SLC4A4: variants seen among roughly 807,000 people sequenced by gnomAD.
SLC4A4 encodes the protein solute carrier family 4 member 4, also known as electrogenic sodium bicarbonate cotransporter 1.
Under a neutral mutation model 111.5 loss-of-function variants are expected in SLC4A4, and 27 were observed. The ratio of observed to expected loss-of-function variants is 0.24; its 90% CI spans 0.18 to 0.33. The LOEUF (loss-of-function observed/expected upper bound fraction) is 0.33, where lower values mean the gene tolerates loss of function less well. SLC4A4 is among the 10% of genes least tolerant of loss of function. The probability of loss-of-function intolerance (pLI) is 1.00; values close to 1 mark genes in which losing one functional copy is unlikely to be tolerated. For synonymous variants in SLC4A4, 443 were observed against 463.4 expected, an observed-to-expected ratio of 0.96 and a Z score of 0.57; for missense variants, 909 against 1,315.5, an observed-to-expected ratio of 0.69 and a Z score of 4.78.
At chr4:71,367,826 C>T (rs532625957) in intron 6 of SLC4A4, among the ~76,000 whole-genome samples, 24 of 152,220 alleles carry the variant, frequency 1.6e-4, no homozygotes, top group African/African-American at 5.5e-4. Flanking sequence ...AAATGTTTCT[C>T]GATTTTATAA....
chr4:71,102,664 C>T (rs1420296573), intron 2 of SLC4A4, among the ~76,000 whole-genome samples: 1 of 149,900 alleles, frequency 6.7e-6, no homozygotes, highest in Admixed American at 6.6e-5. Flanking sequence ...CATATCCAGC[C>T]AAACTAAGCT....
chr4:71,439,939 C>T (rs997958768), intron 7 of SLC4A4, among the ~76,000 whole-genome samples: 1 of 151,924 alleles, frequency 6.6e-6, no homozygotes, highest in Non-Finnish European at 1.5e-5. Flanking sequence ...TGTTTTCTCT[C>T]CTTTGTTCCT....
chr4:71,361,019 G>A (rs868217110), intron 6 of SLC4A4, among the ~76,000 whole-genome samples: 62 of 152,260 alleles, frequency 4.1e-4, no homozygotes, highest in African/African-American at 1.1e-3. Flanking sequence ...GGTACACCCA[G>A]GAGGAGGAGC....
intron 3 of SLC4A4, 78 bp downstream of exon 3, chr4:71,255,477 T>A: frequency 7.1e-7 from 1 of 1,414,540 alleles, no homozygotes; most frequent in Non-Finnish European, 1.0e-6. Context: ...TTGAATCTTG[T>A]GGCTAAAGGG....
intron 1 of SLC4A4, among the ~76,000 whole-genome samples, chr4:71,072,176 A>C (rs1741684366): frequency 6.6e-6 from 1 of 152,196 alleles, no homozygotes; most frequent in African/African-American, 2.4e-5. Context: ...AGTCTATTAA[A>C]AAATTATTTC....
intron 3 of SLC4A4, among the ~76,000 whole-genome samples, chr4:71,292,993 C>T (rs1456156627): frequency 1.3e-5 from 2 of 151,168 alleles, no homozygotes; most frequent in African/African-American, 4.8e-5. Flanking sequence ...AGGCACCTGC[C>T]ACTGCGCCCG....
At chr4:71,237,272 C>G (rs1314412169) in intron 2 of SLC4A4, among the ~76,000 whole-genome samples, 1 of 152,172 alleles carries the variant, frequency 6.6e-6, no homozygotes, top group East Asian at 1.9e-4. Context: ...CGGGCATTCC[C>G]TTTTCCTGTC....
chr4:71,455,427 A>G (rs1436882496), intron 12 of SLC4A4, among the ~76,000 whole-genome samples: 1 of 152,200 alleles, frequency 6.6e-6, no homozygotes, highest in African/African-American at 2.4e-5. Flanking sequence ...TTTGATCTAT[A>G]TCCAAGTTGG....
intron 20 of SLC4A4, among the ~76,000 whole-genome samples, chr4:71,550,708 A>G (rs967677406): frequency 6.6e-6 from 1 of 152,068 alleles, no homozygotes; most frequent in East Asian, 1.9e-4. Context: ...CCATTTCTGC[A>G]AACTCCATAT....
intron 3 of SLC4A4, among the ~76,000 whole-genome samples, chr4:71,260,786 C>T (rs907703640): frequency 9.2e-5 from 14 of 152,230 alleles, no homozygotes; most frequent in African/African-American, 3.1e-4. Context: ...TACTTAACTT[C>T]TTTGTGCTCT....
At position 71,296,452 on chromosome 4, in the gene SLC4A4, T is replaced by C. The variant is rs551304014; in HGVS notation, c.253+41053T>C. Among the ~76,000 whole-genome samples the C allele has an allele frequency of 2.2e-3, 338 of 152,334 alleles. 2 individuals carry two copies. Among genetic ancestry groups the C allele is most frequent in the African/African-American group, 7.8e-3 (324 of 41,584 alleles). ...ACCTCTTAATGGCTGGCAGCATTTCTATATTAAAAGAAACGTGGAAAAATA... is the reference window on the plus strand; with the variant it reads ...ACCTCTTAATGGCTGGCAGCATTTCCATATTAAAAGAAACGTGGAAAAATA... On this transcript the variant is annotated intron_variant, in intron 3 of 25. Transcript: ENST00000264485.
intron 3 of SLC4A4, among the ~76,000 whole-genome samples, chr4:71,320,930 C>T (rs1264826255): frequency 2.0e-5 from 3 of 151,962 alleles, no homozygotes; most frequent in Non-Finnish European, 2.9e-5. Flanking sequence ...TTACTTATCT[C>T]GCCACTGATG....
chr4:71,358,795 A>T (rs1730509148), intron 6 of SLC4A4, among the ~76,000 whole-genome samples: 1 of 152,142 alleles, frequency 6.6e-6, no homozygotes, highest in African/African-American at 2.4e-5. Context: ...ATTATAACTG[A>T]TGTCACAAAT....
intron 1 of SLC4A4, among the ~76,000 whole-genome samples, chr4:71,193,287 G>A (rs1211907759): frequency 6.6e-6 from 1 of 152,164 alleles, no homozygotes; most frequent in African/African-American, 2.4e-5. Flanking sequence ...AGCCTCCCGA[G>A]TAGCTGGGAC....
intron 7 of SLC4A4, among the ~76,000 whole-genome samples, chr4:71,417,369 A>G (rs1264024193): frequency 6.6e-6 from 1 of 152,058 alleles, no homozygotes. Context: ...AGTCTTTCCA[A>G]AGGCCTGGCT....
At chr4:71,435,380 C>T (rs1341588170) in intron 7 of SLC4A4, among the ~76,000 whole-genome samples, 1 of 152,128 alleles carries the variant, frequency 6.6e-6, no homozygotes, top group Non-Finnish European at 1.5e-5. Context: ...AACTGGATCC[C>T]TTCCTTACAC....
intron 7 of SLC4A4, among the ~76,000 whole-genome samples, chr4:71,436,197 G>A (rs888938546): frequency 6.6e-6 from 1 of 152,104 alleles, no homozygotes; most frequent in African/African-American, 2.4e-5. Flanking sequence ...AGAAAATGTG[G>A]CATATATACA....
chr4:71,323,433 G>T (rs926885194), intron 3 of SLC4A4, among the ~76,000 whole-genome samples: 6 of 151,968 alleles, frequency 3.9e-5, no homozygotes, highest in African/African-American at 1.2e-4. Flanking sequence ...AAGGATCTGG[G>T]TATAGCTGGG....
chr4:71,247,673 G>A (rs1415637671), intron 2 of SLC4A4, among the ~76,000 whole-genome samples: 2 of 152,078 alleles, frequency 1.3e-5, no homozygotes, highest in Non-Finnish European at 2.9e-5. Flanking sequence ...TTGTGCAAAT[G>A]GTGACCAAAG....
Sources: gnomAD v4.1 joint callset for allele counts (sites outside exome capture counted in the v4.1 genomes callset) on GRCh38, gnomAD v4.1.1 for gene constraint, MANE v1.5 for transcripts, NCBI Gene and HGNC (gene_info 2026-07-23, HGNC 2026-07-21) for gene names.